MYO1E: variants seen among roughly 807,000 people sequenced by gnomAD.
The protein encoded by MYO1E is unconventional myosin-Ie.
Under a neutral mutation model 151.1 loss-of-function variants are expected in MYO1E, and 68 were observed. The ratio of observed to expected loss-of-function variants is 0.45; its 90% CI spans 0.37 to 0.55. The LOEUF (loss-of-function observed/expected upper bound fraction) is 0.55. MYO1E is among the 20% of genes least tolerant of loss of function. The pLI, the probability that MYO1E is intolerant of heterozygous loss-of-function variation, is 0.00. For synonymous variants in MYO1E, 601 were observed against 501.7 expected (o/e 1.20, Z -2.64); for missense variants, 1,363 against 1,389.3 (o/e 0.98, Z 0.30).
chr15:59,198,833 A>AAC, intron 16 of MYO1E, among the ~76,000 whole-genome samples: 1 of 149,372 alleles, frequency 6.7e-6, no homozygotes, highest in South Asian at 2.1e-4. Flanking sequence ...AAAAAAACAA[A>AAC]AAAAAAACAA....
chr15:59,160,763 G>A (rs1264113147), intron 24 of MYO1E, among the ~76,000 whole-genome samples: 1 of 152,020 alleles, frequency 6.6e-6, no homozygotes, highest in Non-Finnish European at 1.5e-5. Flanking sequence ...TGTTGGTATT[G>A]TGGACAAGAT....
At chr15:59,270,466 C>T (rs188898784) in intron 2 of MYO1E, among the ~76,000 whole-genome samples, 13 of 148,556 alleles carry the variant, frequency 8.8e-5, no homozygotes, top group Non-Finnish European at 1.6e-4. Flanking sequence ...TCACCTGAGC[C>T]GGGGAGGCGG....
intron 4 of MYO1E, among the ~76,000 whole-genome samples, chr15:59,252,437 G>A (rs2080170314): frequency 6.6e-6 from 1 of 152,168 alleles, no homozygotes. Context: ...AAAAGAGGCT[G>A]GGTGCAGTGG....
At chr15:59,251,939 T>A (rs1466727242) in intron 4 of MYO1E, among the ~76,000 whole-genome samples, 13 of 152,238 alleles carry the variant, frequency 8.5e-5, no homozygotes, top group African/African-American at 3.1e-4. Context: ...TAAAATGAAT[T>A]CAGTATTGCT....
intron 15 of MYO1E, 85 bp from the exon 16 acceptor site, chr15:59,202,492 G>A: frequency 2.4e-6 from 3 of 1,242,142 alleles, no homozygotes; most frequent in South Asian, 2.4e-5. Context: ...TGGGGTGAAG[G>A]GCCGTCCCCA....
At chr15:59,224,299 A>C (rs1370039475) in intron 8 of MYO1E, among the ~76,000 whole-genome samples, 1 of 152,178 alleles carries the variant, frequency 6.6e-6, no homozygotes, top group Non-Finnish European at 1.5e-5. Context: ...GAAAAGACTA[A>C]AGACGTTCCA....
At chr15:59,164,626 C>A (rs890272706) in intron 22 of MYO1E, among the ~76,000 whole-genome samples, 30 of 152,200 alleles carry the variant, frequency 2.0e-4, no homozygotes, top group Admixed American at 2.0e-3. Flanking sequence ...CATGTAAAAT[C>A]TGATCCATTT....
At chr15:59,169,635 A>T (rs1047450830) in intron 22 of MYO1E, among the ~76,000 whole-genome samples, 5 of 152,298 alleles carry the variant, frequency 3.3e-5, no homozygotes, top group Admixed American at 3.3e-4. Flanking sequence ...TTTAAAAAGG[A>T]AAGACCGCAA....
At chr15:59,228,821 G>T (rs2080007467) in intron 6 of MYO1E, among the ~76,000 whole-genome samples, 1 of 152,180 alleles carries the variant, frequency 6.6e-6, no homozygotes, top group Admixed American at 6.5e-5. Context: ...GAAAAGTACT[G>T]TGCACACTGC....
chr15:59,352,818 C>T (rs1382622389), intron 1 of MYO1E, among the ~76,000 whole-genome samples: 1 of 152,130 alleles, frequency 6.6e-6, no homozygotes, highest in African/African-American at 2.4e-5. Context: ...AAGGAATTAC[C>T]AAGAAAGCAA....
At chr15:59,264,842 G>A (rs561648495) in intron 2 of MYO1E, 1 of 152,320 alleles carries the variant, frequency 6.6e-6, no homozygotes, top group East Asian at 1.9e-4. Flanking sequence ...GCAATCTAGT[G>A]AGACCTCATC....
chr15:59,155,569 T>G (rs1487457131), intron 25 of MYO1E, among the ~76,000 whole-genome samples: 17 of 152,148 alleles, frequency 1.1e-4, no homozygotes, highest in Non-Finnish European at 2.9e-5. Context: ...CCTGATTTGA[T>G]CTGAGGCTAC....
intron 16 of MYO1E, among the ~76,000 whole-genome samples, chr15:59,200,900 C>T (rs764259387): frequency 2.6e-5 from 4 of 152,094 alleles, no homozygotes; most frequent in Non-Finnish European, 5.9e-5. Context: ...AAGCACACAG[C>T]GAGGAAAAGC....
At chr15:59,214,831 G>A (rs1368000425) in intron 10 of MYO1E, 111 bp from the exon 11 acceptor site, 2 of 836,572 alleles carry the variant, frequency 2.4e-6, no homozygotes, top group African/African-American at 1.7e-5. Flanking sequence ...ACTGCTTGCA[G>A]GAAACAGAGG....
At chr15:59,202,258 G>T in intron 16 of MYO1E, 68 bp downstream of exon 16, 1 of 1,365,534 alleles carries the variant, frequency 7.3e-7, no homozygotes, top group Non-Finnish European at 1.0e-6. Context: ...GCCCAGGGGT[G>T]CAGTTCCTTA....
intron 19 of MYO1E, among the ~76,000 whole-genome samples, chr15:59,176,821 T>C (rs575529891): frequency 1.3e-5 from 2 of 152,190 alleles, no homozygotes; most frequent in South Asian, 4.1e-4. Flanking sequence ...ATGTATGCGT[T>C]TGGGGCAGGG....
intron 4 of MYO1E, among the ~76,000 whole-genome samples, chr15:59,248,001 C>T (rs1295857547): frequency 1.3e-5 from 2 of 151,172 alleles, no homozygotes; most frequent in East Asian, 3.9e-4. Context: ...CATGGCACAC[C>T]CCTGTAATCC....
rs759913579 is a variant in MYO1E, at chr15:59,372,529, C to A, written c.-29G>T. The A allele has an allele frequency of 6.5e-7, 1 of 1,535,394 alleles. No homozygotes were observed. ...GACTCGCGCCGCGGTCGCGTCTTCG[C>A]CGGGTCCCGCTGCCGGGGAACTGGG... On this transcript the variant is annotated 5_prime_UTR_variant, in exon 1 of 28. Coordinates refer to ENST00000288235, the MANE Select transcript of MYO1E (RefSeq NM_004998.4).
intron 1 of MYO1E, among the ~76,000 whole-genome samples, chr15:59,295,252 A>AG (rs1317776319): frequency 6.6e-6 from 1 of 152,016 alleles, no homozygotes; most frequent in Admixed American, 6.6e-5. Context: ...GGGAGAGAGG[A>AG]GGAAAAAAAA....
Sources: gnomAD v4.1 joint callset for allele counts (sites outside exome capture counted in the v4.1 genomes callset) on GRCh38, gnomAD v4.1.1 for gene constraint, MANE v1.5 for transcripts, NCBI Gene and HGNC (gene_info 2026-07-23, HGNC 2026-07-21) for gene names.